The following ASCC3 variants were observed in gnomAD, a reference collection of about 807,000 sequenced individuals.
ASCC3 encodes ASC-1 complex subunit P200.
In ASCC3, 158 loss-of-function variants were observed where a neutral mutation model predicts 256.3. The ratio of observed to expected loss-of-function variants is 0.62; its 90% CI spans 0.54 to 0.70. The LOEUF (loss-of-function observed/expected upper bound fraction) is 0.70. ASCC3 is among the 30% of genes least tolerant of loss of function. The probability of loss-of-function intolerance (pLI) is 0.00; values close to 1 mark genes in which losing one functional copy is unlikely to be tolerated. For missense variants in ASCC3, 2,259 were observed against 2,626.0 expected (o/e 0.86, Z 3.05); for synonymous variants, 948 against 883.4 (o/e 1.07, Z -1.30).
intron 2 of ASCC3, among the ~76,000 whole-genome samples, chr6:100,867,696 T>A (rs535425066): frequency 6.6e-6 from 1 of 152,154 alleles, no homozygotes; most frequent in African/African-American, 2.4e-5. Flanking sequence ...TTATCATAGT[T>A]CTGATTATTC....
At chr6:100,749,564 G>C (rs1324231035) in intron 10 of ASCC3, among the ~76,000 whole-genome samples, 4 of 151,934 alleles carry the variant, frequency 2.6e-5, no homozygotes, top group African/African-American at 2.4e-5. Context: ...AGTTAGAAAT[G>C]TAAAACTATG....
intron 4 of ASCC3, among the ~76,000 whole-genome samples, chr6:100,822,553 A>G (rs1448620554): frequency 6.8e-6 from 1 of 147,578 alleles, no homozygotes; most frequent in African/African-American, 2.5e-5. Context: ...AAAAAAAAAA[A>G]AGATTAAATA....
intron 29 of ASCC3, 99 bp downstream of exon 29, chr6:100,627,491 C>T: frequency 6.8e-7 from 1 of 1,469,660 alleles, no homozygotes; most frequent in Non-Finnish European, 9.4e-7. Context: ...AGAAGCTGGA[C>T]CAGTATCATC....
At chr6:100,692,294 G>A (rs150264105) in intron 13 of ASCC3, among the ~76,000 whole-genome samples, 1 of 152,038 alleles carries the variant, frequency 6.6e-6, no homozygotes, top group African/African-American at 2.4e-5. Context: ...CACTATATGA[G>A]TTCTATGTAC....
Position 100,662,405 on chromosome 6 carries a change from T to C in ASCC3, c.2418A>G (p.Leu806=). The change falls in exon 15 of 42, where the codon CTA becomes CTG. Residue 806 remains leucine (L), a synonymous_variant. Coordinates refer to ENST00000369162, the MANE Select transcript of ASCC3 (RefSeq NM_006828.4). ...NLFSNGHIKV[L]VCTATLAWGV... ...CCCAGGCTAACGTAGCTGTACACACTAGGACTTTGATATGCCCATTAGAAA... is the reference window on the plus strand; with the variant it reads ...CCCAGGCTAACGTAGCTGTACACACCAGGACTTTGATATGCCCATTAGAAA... 3 of 1,613,304 alleles carry C rather than the reference T, an allele frequency of 1.9e-6. No individual in the cohort carries two copies. Among genetic ancestry groups the C allele is most frequent in the African/African-American group, 1.3e-5 (1 of 74,986 alleles).
At chr6:100,720,846 G>C (rs1275831307) in intron 11 of ASCC3, among the ~76,000 whole-genome samples, 4 of 147,666 alleles carry the variant, frequency 2.7e-5, no homozygotes, top group Non-Finnish European at 6.0e-5. Flanking sequence ...CTTATATATT[G>C]ATACACTATA....
intron 36 of ASCC3, among the ~76,000 whole-genome samples, chr6:100,576,692 C>A (rs1232008895): frequency 1.3e-5 from 2 of 151,654 alleles, no homozygotes; most frequent in African/African-American, 4.8e-5. Context: ...ATTTTTTAAT[C>A]GCTGTATGGA....
At chr6:100,603,277 C>T (rs1772718549) in intron 33 of ASCC3, among the ~76,000 whole-genome samples, 1 of 151,838 alleles carries the variant, frequency 6.6e-6, no homozygotes, top group Non-Finnish European at 1.5e-5. Flanking sequence ...GAAGTATACA[C>T]AGAAAAAATT....
chr6:100,856,436 C>A (rs906982220), intron 3 of ASCC3: 18 of 973,000 alleles, frequency 1.8e-5, no homozygotes, highest in Non-Finnish European at 2.2e-5. Context: ...ACTTATCAAT[C>A]TGAAATACTT....
At chr6:100,694,274 C>T (rs960578043) in intron 13 of ASCC3, among the ~76,000 whole-genome samples, 8 of 151,182 alleles carry the variant, frequency 5.3e-5, no homozygotes, top group African/African-American at 1.5e-4. Flanking sequence ...TGAGATTAGC[C>T]TGGGCAACAA....
At chr6:100,717,108 C>A (rs1258144826) in intron 12 of ASCC3, among the ~76,000 whole-genome samples, 1 of 151,844 alleles carries the variant, frequency 6.6e-6, no homozygotes, top group Non-Finnish European at 1.5e-5. Context: ...CCTTTGTGTA[C>A]AAGTCTAAAA....
intron 1 of ASCC3, among the ~76,000 whole-genome samples, chr6:100,879,558 A>G (rs1769177854): frequency 6.6e-6 from 1 of 152,174 alleles, no homozygotes; most frequent in Non-Finnish European, 1.5e-5. Context: ...AGGCCGATGC[A>G]GGAGGACTGC....
chr6:100,610,517 A>G (rs1304431603), intron 30 of ASCC3, among the ~76,000 whole-genome samples: 1 of 152,146 alleles, frequency 6.6e-6, no homozygotes. Context: ...TAGCTTTATA[A>G]TAATTACTAA....
chr6:100,738,434 T>C (rs1389449077), intron 10 of ASCC3, among the ~76,000 whole-genome samples: 2 of 152,220 alleles, frequency 1.3e-5, no homozygotes, highest in African/African-American at 4.8e-5. Flanking sequence ...TTTCTGCATA[T>C]GGCTAGCCAG....
chr6:100,562,828 T>C (rs1770026895), intron 36 of ASCC3, among the ~76,000 whole-genome samples: 1 of 152,096 alleles, frequency 6.6e-6, no homozygotes, highest in South Asian at 2.1e-4. Flanking sequence ...TGTTGATAGA[T>C]ATCAAATTTC....
At chr6:100,662,310 A>G (rs1301697606) in intron 15 of ASCC3, 35 bp downstream of exon 15, 3 of 1,602,180 alleles carry the variant, frequency 1.9e-6, no homozygotes, top group Middle Eastern at 1.7e-4. Context: ...TAAGACACAC[A>G]CAAAATCCAT....
At chr6:100,608,158 ATT>A (rs1219860315) in intron 30 of ASCC3, among the ~76,000 whole-genome samples, 5 of 123,150 alleles carry the variant, frequency 4.1e-5, no homozygotes, top group South Asian at 2.3e-4. Flanking sequence ...ATATATACAT[ATT>A]TATATACATA....
chr6:100,625,151 C>A, intron 30 of ASCC3, 41 bp downstream of exon 30: 1 of 1,607,178 alleles, frequency 6.2e-7, no homozygotes, highest in Non-Finnish European at 8.5e-7. Context: ...ATAATACAAC[C>A]TGAAACGTGT....
chr6:100,791,967 T>C (rs931121925), intron 8 of ASCC3, among the ~76,000 whole-genome samples: 15 of 152,008 alleles, frequency 9.9e-5, no homozygotes, highest in African/African-American at 3.4e-4. Flanking sequence ...TAGAAAGACA[T>C]TAACAAGTTG....
Sources: gnomAD v4.1 joint callset for allele counts (sites outside exome capture counted in the v4.1 genomes callset) on GRCh38, gnomAD v4.1.1 for gene constraint, MANE v1.5 for transcripts, NCBI Gene and HGNC (gene_info 2026-07-23, HGNC 2026-07-21) for gene names.